The following DTL variants were observed in gnomAD, a reference collection of about 807,000 sequenced individuals.
The protein encoded by DTL is denticleless protein homolog.
DTL carries 46 observed loss-of-function variants against 87.0 expected under a neutral mutation model. That is an observed-to-expected ratio of 0.53 (90% CI 0.42 to 0.68). DTL has a LOEUF of 0.68. Ranked by LOEUF, DTL falls within the 30% of genes least tolerant of loss-of-function variation. The pLI, the probability that DTL is intolerant of heterozygous loss-of-function variation, is 0.00. For missense variants in DTL, 737 were observed against 869.4 expected, an observed-to-expected ratio of 0.85 and a Z score of 1.91; for synonymous variants, 308 against 311.2, an observed-to-expected ratio of 0.99 and a Z score of 0.11.
At chr1:212,094,481 C>T (rs777311308) in intron 13 of DTL, among the ~76,000 whole-genome samples, 1 of 152,174 alleles carries the variant, frequency 6.6e-6, no homozygotes, top group Non-Finnish European at 1.5e-5. Context: ...TATACGAGTA[C>T]CGTGCTATTT....
At chr1:212,065,460 C>T (rs879893248) in intron 7 of DTL, among the ~76,000 whole-genome samples, 1 of 151,768 alleles carries the variant, frequency 6.6e-6, no homozygotes, top group Admixed American at 6.6e-5. Flanking sequence ...TTGAGATAGC[C>T]ATCACTTCAA....
intron 8 of DTL, among the ~76,000 whole-genome samples, chr1:212,067,615 A>T (rs556715903): frequency 6.6e-6 from 1 of 152,150 alleles, no homozygotes; most frequent in South Asian, 2.1e-4. Flanking sequence ...CTCAGGCAGG[A>T]ATGAAGGATT....
chr1:212,066,675 A>G (rs1654516030), intron 7 of DTL, 137 bp from the exon 8 acceptor site: 3 of 646,604 alleles, frequency 4.6e-6, no homozygotes, highest in Admixed American at 2.8e-5. Flanking sequence ...GTCAGCATAT[A>G]TATCTGATCG....
chr1:212,068,302 C>T lies in DTL; in HGVS notation c.792C>T (p.Tyr264=). The T allele has an allele frequency of 6.2e-7, 1 of 1,610,620 alleles. No homozygotes were observed. The highest frequency in any genetic ancestry group is 8.5e-7 in the Non-Finnish European group (1 of 1,178,896). Residue 264 remains tyrosine (Y), a synonymous_variant, in exon 9 of 15, where the codon TAC becomes TAT. Coordinates refer to ENST00000366991, the MANE Select transcript of DTL (RefSeq NM_016448.4). ...CCATAGCATCCAAGTCTTTCCTGTA[C>T]CCAGGTAGCAGCACTCGAAAACTTG... The part of the protein sequence containing the change: ...QEPIASKSFL[Y]PGSSTRKLGY...
rs528299405 is a variant in DTL at position 212,078,816 on chromosome 1, A to T, written c.1125+554A>T. ...TTTTTATAGTGACACTTTAAGAAAC[A>T]AAAAAACCCTAAAATGTAGAAAGGC... On this transcript the variant is annotated intron_variant, in intron 12 of 14. Transcript: ENST00000366991. 3.5e-4 allele frequency among the ~76,000 whole-genome samples: 54 copies of T among 152,258 alleles called. No homozygotes were observed. The East Asian group carries it at 9.1e-3, about 26-fold the overall frequency.
At chr1:212,070,639 T>C (rs1257385201) in intron 10 of DTL, among the ~76,000 whole-genome samples, 1 of 151,550 alleles carries the variant, frequency 6.6e-6, no homozygotes, top group Non-Finnish European at 1.5e-5. Context: ...GACAACTGTG[T>C]GTGTGTGTGT....
intron 13 of DTL, among the ~76,000 whole-genome samples, chr1:212,093,140 C>T (rs1297111599): frequency 6.6e-6 from 1 of 151,978 alleles, no homozygotes; most frequent in Non-Finnish European, 1.5e-5. Context: ...GTTCCCTTGT[C>T]CCCCTTGCAG....
In DTL at chr1:212,064,951, A is replaced by C. The variant is rs1289751272; in HGVS notation, c.561A>C (p.Gly187=). The C allele has an allele frequency of 6.2e-7, 1 of 1,614,136 alleles. No homozygotes were observed. The highest frequency in any genetic ancestry group is 1.7e-5 in the Admixed American group (1 of 60,030). The part of the protein sequence containing the change: ...GFYRQVNQIS[G]AHNTSDKQTP... ...ATAGGCAAGTGAATCAAATCAGTGGAGCTCACAATACCTCAGACAAGCAAA... is the reference window on the plus strand; with the variant it reads ...ATAGGCAAGTGAATCAAATCAGTGGCGCTCACAATACCTCAGACAAGCAAA... The change falls in exon 7 of 15, where the codon GGA becomes GGC. Residue 187 remains glycine, a synonymous_variant. Coordinates refer to ENST00000366991, the MANE Select transcript of DTL (RefSeq NM_016448.4).
At chr1:212,043,602 G>A (rs1667720222) in intron 2 of DTL, among the ~76,000 whole-genome samples, 1 of 151,774 alleles carries the variant, frequency 6.6e-6, no homozygotes, top group African/African-American at 2.4e-5. Context: ...GGCCAAGGCG[G>A]GTGGATCACT....
chr1:212,084,425 A>G (rs1655072199), intron 13 of DTL, among the ~76,000 whole-genome samples: 2 of 152,006 alleles, frequency 1.3e-5, no homozygotes, highest in African/African-American at 4.8e-5. Context: ...ACCTCAGGTG[A>G]TCCACCCGCC....
At chr1:212,044,803 T>G (rs892801700) in intron 3 of DTL, 45 bp downstream of exon 3, 3 of 1,106,382 alleles carry the variant, frequency 2.7e-6, no homozygotes, top group Non-Finnish European at 1.4e-6. Flanking sequence ...TAAAAAACTT[T>G]ACACATCCTC....
At chr1:212,042,491 C>T (rs1314299235) in intron 1 of DTL, among the ~76,000 whole-genome samples, 2 of 152,160 alleles carry the variant, frequency 1.3e-5, no homozygotes, top group Non-Finnish European at 2.9e-5. Flanking sequence ...TTTTAGATTC[C>T]TACAATTTCA....
intron 1 of DTL, among the ~76,000 whole-genome samples, chr1:212,041,980 G>C (rs1259760634): frequency 6.6e-6 from 1 of 152,128 alleles, no homozygotes; most frequent in Non-Finnish European, 1.5e-5. Flanking sequence ...TTTGTCTGAG[G>C]TTATGTCAGG....
In DTL at chr1:212,100,377, A is replaced by T; in HGVS notation, c.1387A>T (p.Asn463Tyr). The T allele has an allele frequency of 6.2e-7, 1 of 1,613,652 alleles. No individual in the cohort carries two copies. The highest frequency in any genetic ancestry group is 8.5e-7 in the Non-Finnish European group (1 of 1,179,882). Residue 463 changes from asparagine to tyrosine, a missense_variant, in exon 14 of 15, where the codon AAT (asparagine) becomes TAT (tyrosine). Transcript: ENST00000366991. ...TGCTGGAGACCTCCCTCTTCCTTCA[A>T]ATACTCCTACGTTCTCTATTAAAAC... ...SCAGDLPLPSNTPTFSIKTSP... is the reference protein window; with the variant it reads ...SCAGDLPLPSYTPTFSIKTSP...
chr1:212,092,397 G>C (rs933495402), intron 13 of DTL, among the ~76,000 whole-genome samples: 1 of 152,124 alleles, frequency 6.6e-6, no homozygotes, highest in African/African-American at 2.4e-5. Context: ...AGGTGTGGTG[G>C]TGCATGCCTG....
rs751347042 is a variant in DTL, at chr1:212,072,213, G to A, written c.1035G>A (p.Lys345=). 5.0e-6 allele frequency: 8 copies of A among 1,609,432 alleles called. No homozygotes were observed. The highest frequency in any genetic ancestry group is 1.3e-5 in the African/African-American group (1 of 74,810). ...GTGATGAAGCTGCCTACATATGGAA[G>A]GTAAGTTGCTAAACTTCACCCACAA... ...GSSDEAAYIW[K]VSTPWQPPTV... is the part of the protein sequence containing the mutation. The change falls in exon 11 of 15, where the codon AAG becomes AAA. Residue 345 remains lysine, a splice_region_variant and synonymous_variant. Coordinates refer to ENST00000366991, the MANE Select transcript of DTL (RefSeq NM_016448.4).
At chr1:212,045,595 C>T (rs1279142785) in intron 3 of DTL, among the ~76,000 whole-genome samples, 1 of 152,072 alleles carries the variant, frequency 6.6e-6, no homozygotes, top group Non-Finnish European at 1.5e-5. Context: ...AGAAAACACA[C>T]TGGTGTCAAA....
chr1:212,035,876 T>C lies in DTL; in HGVS notation c.-15T>C, dbSNP rs1487755624. On this transcript the variant is annotated 5_prime_UTR_variant, in exon 1 of 15. Coordinates refer to ENST00000366991, the MANE Select transcript of DTL (RefSeq NM_016448.4). The stretch of plus-strand genomic sequence containing the variant: ...TACGACTTTTCTCTCAGCTGAGGCT[T>C]TTCCTCCGACCCTGATGCTCTTCAA... The C allele has an allele frequency of 6.2e-7, 1 of 1,614,058 alleles. No homozygotes were observed. Among genetic ancestry groups the C allele is most frequent in the South Asian group, 1.1e-5 (1 of 91,086 alleles).
At chr1:212,095,886 A>G (rs879009011) in intron 13 of DTL, among the ~76,000 whole-genome samples, 1 of 152,110 alleles carries the variant, frequency 6.6e-6, no homozygotes, top group Non-Finnish European at 1.5e-5. Flanking sequence ...TACTGGCTTC[A>G]TAGGATGATT....
Sources: gnomAD v4.1 joint callset for allele counts (sites outside exome capture counted in the v4.1 genomes callset) on GRCh38, gnomAD v4.1.1 for gene constraint, MANE v1.5 for transcripts, NCBI Gene and HGNC (gene_info 2026-07-23, HGNC 2026-07-21) for gene names.